DAB1: variants seen among roughly 807,000 people sequenced by gnomAD.
DAB1 encodes the protein DAB adaptor protein 1.
Under a neutral mutation model 64.6 loss-of-function variants are expected in DAB1, and 15 were observed. That is an observed-to-expected ratio of 0.23 (90% CI 0.16 to 0.36). The LOEUF is 0.36. Ranked by LOEUF, DAB1 falls within the 10% of genes least tolerant of loss-of-function variation. The pLI, the probability that DAB1 is intolerant of heterozygous loss-of-function variation, is 1.00. For missense variants in DAB1, 596 were observed against 706.7 expected (o/e 0.84, Z 1.78); for synonymous variants, 235 against 251.9 (o/e 0.93, Z 0.64).
intron 7 of DAB1, among the ~76,000 whole-genome samples, chr1:57,513,910 CT>C (rs113913637): frequency 0.07 from 10,642 of 152,150 alleles, 1,165 homozygotes; most frequent in African/African-American, 0.23. Flanking sequence ...AAAAGTTCCA[CT>C]TTTTTTAGGT....
chr1:57,385,308 T>C (rs1681721961), intron 1 of DAB1, among the ~76,000 whole-genome samples: 1 of 152,252 alleles, frequency 6.6e-6, no homozygotes, highest in Non-Finnish European at 1.5e-5. Flanking sequence ...TTGTATTAGC[T>C]CCTTTTACTG....
At chr1:58,139,731 T>C (rs978007729) in intron 5 of DAB1, among the ~76,000 whole-genome samples, 12 of 152,328 alleles carry the variant, frequency 7.9e-5, no homozygotes, top group African/African-American at 2.6e-4. Context: ...TGCTAAAAGA[T>C]GTAATTTGAT....
intron 3 of DAB1, among the ~76,000 whole-genome samples, chr1:58,492,474 G>A (rs1645714582): frequency 6.6e-6 from 1 of 152,116 alleles, no homozygotes; most frequent in African/African-American, 2.4e-5. Flanking sequence ...AATGAATCCA[G>A]GAGTTGGTTT....
chr1:58,344,737 TTAAC>T (rs1403421623), intron 3 of DAB1, among the ~76,000 whole-genome samples: 1 of 152,072 alleles, frequency 6.6e-6, no homozygotes, highest in Non-Finnish European at 1.5e-5. Flanking sequence ...CATTGAGAGG[TTAAC>T]TAACATCACT....
intron 4 of DAB1, among the ~76,000 whole-genome samples, chr1:58,160,068 T>C (rs889512670): frequency 1.3e-5 from 2 of 152,064 alleles, no homozygotes; most frequent in African/African-American, 4.8e-5. Context: ...AAGTAAGCTA[T>C]ATTGCCACCT....
intron 5 of DAB1, among the ~76,000 whole-genome samples, chr1:58,042,586 GA>G (rs1482033307): frequency 1.3e-5 from 2 of 152,190 alleles, no homozygotes; most frequent in Non-Finnish European, 2.9e-5. Context: ...GAAAAGGAGG[GA>G]GATGGGGGCA....
chr1:57,554,281 G>T (rs1351143013), intron 7 of DAB1, among the ~76,000 whole-genome samples: 1 of 152,186 alleles, frequency 6.6e-6, no homozygotes, highest in Non-Finnish European at 1.5e-5. Context: ...AGCCAGAAAT[G>T]AATCCCACTG....
intron 2 of DAB1, among the ~76,000 whole-genome samples, chr1:58,520,879 C>A (rs1190590073): frequency 6.6e-6 from 1 of 152,040 alleles, no homozygotes; most frequent in African/African-American, 2.4e-5. Flanking sequence ...CCAAACCTCT[C>A]TTGATAACTA....
chr1:57,285,215 T>C (rs1672217077), intron 2 of DAB1, among the ~76,000 whole-genome samples: 1 of 152,286 alleles, frequency 6.6e-6, no homozygotes, highest in South Asian at 2.1e-4. Context: ...CCAGACTACA[T>C]TGCAGACCCC....
intron 3 of DAB1, chr1:58,468,511 T>C (rs1645319863): frequency 6.6e-6 from 1 of 152,248 alleles, no homozygotes; most frequent in African/African-American, 2.4e-5. Flanking sequence ...AGTCACTGTG[T>C]CTTTGCATTA....
intron 1 of DAB1, among the ~76,000 whole-genome samples, chr1:57,401,411 C>T (rs1683232186): frequency 6.6e-6 from 1 of 152,154 alleles, no homozygotes; most frequent in South Asian, 2.1e-4. Flanking sequence ...TGAAAAGATA[C>T]CTGCCCTTAC....
At chr1:57,400,349 C>T (rs1188182325) in intron 1 of DAB1, among the ~76,000 whole-genome samples, 1 of 152,074 alleles carries the variant, frequency 6.6e-6, no homozygotes, top group East Asian at 1.9e-4. Flanking sequence ...TCCCAAAACC[C>T]ATTACTGAAA....
intron 5 of DAB1, among the ~76,000 whole-genome samples, chr1:58,027,436 C>T (rs1428610665): frequency 6.6e-6 from 1 of 152,082 alleles, no homozygotes; most frequent in East Asian, 1.9e-4. Context: ...TTCTTTATAA[C>T]ATAATAATGA....
At chr1:58,157,806 A>C (rs1401631737) in intron 4 of DAB1, among the ~76,000 whole-genome samples, 1 of 152,164 alleles carries the variant, frequency 6.6e-6, no homozygotes, top group Non-Finnish European at 1.5e-5. Flanking sequence ...TTCTCTACCC[A>C]AATAATTTTT....
intron 5 of DAB1, among the ~76,000 whole-genome samples, chr1:57,976,256 G>C (rs960061068): frequency 2.0e-5 from 3 of 152,154 alleles, no homozygotes; most frequent in African/African-American, 7.2e-5. Context: ...TCACATGATA[G>C]AAAGCAGTGC....
intron 5 of DAB1, among the ~76,000 whole-genome samples, chr1:58,017,104 G>T (rs1570231960): frequency 1.3e-5 from 2 of 152,048 alleles, no homozygotes; most frequent in East Asian, 3.9e-4. Context: ...GAAAGCCCAG[G>T]TTCTCCTCAT....
intron 2 of DAB1, among the ~76,000 whole-genome samples, chr1:57,181,671 A>G (rs1238485505): frequency 6.6e-6 from 1 of 152,188 alleles, no homozygotes; most frequent in Non-Finnish European, 1.5e-5. Flanking sequence ...TTAATTGAAT[A>G]TGTGCATTGC....
intron 5 of DAB1, among the ~76,000 whole-genome samples, chr1:57,954,946 C>T (rs767963330): frequency 1.1e-4 from 17 of 152,172 alleles, no homozygotes; most frequent in Non-Finnish European, 2.4e-4. Context: ...AGGCAAAAGA[C>T]TTAAAGATAA....
chr1:58,502,270 T>C (rs1503646), intron 3 of DAB1, among the ~76,000 whole-genome samples: 11,510 of 152,322 alleles, frequency 0.076, 470 homozygotes, highest in Middle Eastern at 0.16. Context: ...CTTGGTTTCC[T>C]ATTTGCTTTC....
Sources: gnomAD v4.1 joint callset for allele counts (sites outside exome capture counted in the v4.1 genomes callset) on GRCh38, gnomAD v4.1.1 for gene constraint, MANE v1.5 for transcripts, NCBI Gene and HGNC (gene_info 2026-07-23, HGNC 2026-07-21) for gene names.